The following CKMT1A variants were observed in gnomAD, a reference collection of about 807,000 sequenced individuals.
The protein encoded by CKMT1A is creatine kinase U-type, mitochondrial.
Under a neutral mutation model 21.8 loss-of-function variants are expected in CKMT1A, and 23 were observed. The ratio of observed to expected loss-of-function variants is 1.05; its 90% CI spans 0.76 to 1.49. The LOEUF (loss-of-function observed/expected upper bound fraction) is 1.49. Ranked by LOEUF, CKMT1A falls within the 40% of genes most tolerant of loss-of-function variation. The pLI, the probability that CKMT1A is intolerant of heterozygous loss-of-function variation, is 0.00. For synonymous variants in CKMT1A, 67 were observed against 80.4 expected (o/e 0.83, Z 0.89); for missense variants, 154 against 229.4 (o/e 0.67, Z 2.12).
rs1281714531 is a variant in CKMT1A, at chr15:43,699,035, G to A, written c.1200G>A (p.Leu400=). 1.2e-6 allele frequency: 2 copies of A among 1,613,494 alleles called. No individual in the cohort carries two copies. Among genetic ancestry groups the A allele is most frequent in the African/African-American group, 2.7e-5 (2 of 74,658 alleles). ...ATTTGATTGATTGTGAACGGCGTCT[G>A]GAGAGAGGCCAGGATATCCGCATCC... ...VNYLIDCERR[L]ERGQDIRIPT... is the part of the protein sequence containing the mutation. The change falls in exon 9 of 9, where the codon CTG becomes CTA. Residue 400 remains leucine, a synonymous_variant. Coordinates refer to ENST00000413453, the MANE Select transcript of CKMT1A (RefSeq NM_001321926.2).
In CKMT1A at chr15:43,699,172, G is replaced by C; in HGVS notation, c.*83G>C. ...GGCCCATTCTACTTGCTCTGGACCTGCCCTCGCATCCCCTGCCTCCATCCT... is the reference window on the plus strand; with the variant it reads ...GGCCCATTCTACTTGCTCTGGACCTCCCCTCGCATCCCCTGCCTCCATCCT... On this transcript the variant is annotated 3_prime_UTR_variant, in exon 9 of 9. Coordinates refer to ENST00000413453, the MANE Select transcript of CKMT1A (RefSeq NM_001321926.2). 2 of 1,607,070 alleles carry C rather than the reference G, an allele frequency of 1.2e-6. No individual in the cohort carries two copies. Among genetic ancestry groups the C allele is most frequent in the East Asian group, 4.5e-5 (2 of 44,774 alleles).
rs8037184 is a variant in CKMT1A, at chr15:43,698,013, G to A, written c.877-1G>A. ...CATTAATAAAAACTTTGTGGACTCAGGTGGAGAGACTTATCCAAGAACGTG... is the reference window on the plus strand; with the variant it reads ...CATTAATAAAAACTTTGTGGACTCAAGTGGAGAGACTTATCCAAGAACGTG... On this transcript the variant is annotated splice_acceptor_variant, in intron 6 of 8. Transcript: ENST00000413453. LOFTEE classifies it high-confidence loss of function. 1.2e-6 allele frequency: 2 copies of A among 1,613,766 alleles called. No individual in the cohort carries two copies. The highest frequency in any genetic ancestry group is 2.2e-5 in the East Asian group (1 of 44,874).
chr15:43,698,819 A>T, intron 8 of CKMT1A, 53 bp downstream of exon 8: 1 of 1,609,864 alleles, frequency 6.2e-7, no homozygotes, highest in South Asian at 1.1e-5. Flanking sequence ...TGGGGGCTGA[A>T]ATATGGCAGT....
At chr15:43,698,284 C>T (rs1244713819) in intron 7 of CKMT1A, 136 bp downstream of exon 7, 3 of 1,325,940 alleles carry the variant, frequency 2.3e-6, no homozygotes, top group Non-Finnish European at 3.1e-6. Context: ...CACAGTGGCT[C>T]ATGCCTCTAA....
At chr15:43,696,459 A>T in intron 6 of CKMT1A, 96 bp downstream of exon 6, 1 of 1,585,090 alleles carries the variant, frequency 6.3e-7, no homozygotes, top group Non-Finnish European at 8.6e-7. Flanking sequence ...CCAACCCAAG[A>T]CATGTCTGAT....
intron 7 of CKMT1A, among the ~76,000 whole-genome samples, 191 bp from the exon 8 acceptor site, chr15:43,698,450 G>A (rs569828688): frequency 6.7e-6 from 1 of 150,254 alleles, no homozygotes; most frequent in East Asian, 2.0e-4. Context: ...AGCCTGGGAA[G>A]TCGAGGCTTC....
At position 43,698,068 on chromosome 15, in the gene CKMT1A, G is replaced by A. The variant is rs767898760; in HGVS notation, c.931G>A (p.Gly311Arg). ...GGAGTTCATGTGGAATGAGCGTTTG[G>A]GATACATCTTGACCTGTCCATCTAA... ...GWEFMWNERL[G>R]YILTCPSNLG... Residue 311 changes from glycine to arginine, a missense_variant, in exon 7 of 9, where the codon GGA becomes AGA. By Grantham distance (125) the Gly-to-Arg change is moderately radical. Coordinates refer to ENST00000413453, the MANE Select transcript of CKMT1A (RefSeq NM_001321926.2). 2 of 1,613,378 alleles carry A rather than the reference G, an allele frequency of 1.2e-6. No homozygotes were observed. Among genetic ancestry groups the A allele is most frequent in the Non-Finnish European group, 1.7e-6 (2 of 1,179,576 alleles).
At chr15:43,698,377 A>T (rs2086483117) in intron 7 of CKMT1A, among the ~76,000 whole-genome samples, 1 of 151,706 alleles carries the variant, frequency 6.6e-6, no homozygotes, top group South Asian at 2.1e-4. Context: ...GTGAAACCCC[A>T]TCTCTACTAC....
chr15:43,696,716 C>T lies in CKMT1A; in HGVS notation c.876+353C>T, dbSNP rs538894156. On this transcript the variant is annotated intron_variant, in intron 6 of 8. Coordinates refer to ENST00000413453, the MANE Select transcript of CKMT1A (RefSeq NM_001321926.2). The stretch of plus-strand genomic sequence containing the variant: ...ACATTCGAGCTTAGATTGATGTTGG[C>T]GGGGAGAGGTTGCTGTGTTCATGAC... 188 of 282,592 alleles carry T rather than the reference C, an allele frequency of 6.7e-4. 5 individuals carry two copies. Among genetic ancestry groups the T allele is most frequent in the African/African-American group, 3.7e-3 (170 of 45,434 alleles). 17.5% of individuals were successfully genotyped at this position (282,592 alleles called of 1,614,324 possible).
intron 8 of CKMT1A, 65 bp downstream of exon 8, chr15:43,698,831 A>G (rs1305242321): frequency 6.2e-7 from 1 of 1,608,212 alleles, no homozygotes; most frequent in Non-Finnish European, 8.5e-7. Flanking sequence ...TATGGCAGTG[A>G]GTGAGCCTCC....
intron 6 of CKMT1A, 51 bp from the exon 7 acceptor site, chr15:43,697,963 G>A (rs764149344): frequency 3.7e-6 from 6 of 1,612,324 alleles, no homozygotes; most frequent in East Asian, 4.5e-5. Context: ...GAGGGTCCAG[G>A]GTTAATGAAA....
chr15:43,697,964 G>A (rs1175845453), intron 6 of CKMT1A, 50 bp from the exon 7 acceptor site: 2 of 1,612,528 alleles, frequency 1.2e-6, no homozygotes, highest in African/African-American at 1.3e-5. Flanking sequence ...AGGGTCCAGG[G>A]TTAATGAAAT....
rs762088481 is a variant in CKMT1A, at chr15:43,698,722, G to T, written c.1093G>T (p.Gly365Cys). Residue 365 changes from glycine to cysteine, a missense_variant, in exon 8 of 9, where the codon GGT (glycine) becomes TGT (cysteine). Gly to Cys is a radical substitution (Grantham distance 159). Transcript: ENST00000413453. ...TGGVDTAATGGVFDISNLDRL... is the reference protein window; with the variant it reads ...TGGVDTAATGCVFDISNLDRL... Reference sequence around the variant, plus strand: ...AGGAGTGGACACTGCTGCCACAGGCGGTGTCTTTGATATTTCTAATTTGGA... The same window carrying T: ...AGGAGTGGACACTGCTGCCACAGGCTGTGTCTTTGATATTTCTAATTTGGA... The T allele has an allele frequency of 7.4e-6, 12 of 1,613,406 alleles. 1 individual carries two copies. The Middle Eastern group carries it at 4.9e-4, about 66-fold the overall frequency.
chr15:43,698,005 T>G lies in CKMT1A; in HGVS notation c.877-9T>G, dbSNP rs1276798004. On this transcript the variant is annotated splice_polypyrimidine_tract_variant and intron_variant, in intron 6 of 8. Coordinates refer to ENST00000413453, the MANE Select transcript of CKMT1A (RefSeq NM_001321926.2). ...TGATTTTTCATTAATAAAAACTTTG[T>G]GGACTCAGGTGGAGAGACTTATCCA... 6.2e-7 allele frequency: 1 copy of G among 1,613,742 alleles called. No homozygotes were observed. The highest frequency in any genetic ancestry group is 1.1e-5 in the South Asian group (1 of 91,030).
intron 7 of CKMT1A, 83 bp from the exon 8 acceptor site, chr15:43,698,558 C>T (rs1404812459): frequency 4.0e-6 from 6 of 1,487,214 alleles, no homozygotes; most frequent in African/African-American, 1.4e-5. Flanking sequence ...GGAGACAGAG[C>T]TCTGAGCAGG....
At chr15:43,697,933 T>A in intron 6 of CKMT1A, 81 bp from the exon 7 acceptor site, 1 of 1,577,354 alleles carries the variant, frequency 6.3e-7, no homozygotes, top group Admixed American at 1.8e-5. Context: ...TTTCTAGTGT[T>A]CTTGTGGGTC....
chr15:43,697,904 A>C (rs1207072140), intron 6 of CKMT1A, 110 bp from the exon 7 acceptor site: 1 of 1,508,236 alleles, frequency 6.6e-7, no homozygotes, highest in Non-Finnish European at 8.9e-7. Flanking sequence ...TTCACAGCCA[A>C]GTTTCTATTC....
chr15:43,698,685 G>C lies in CKMT1A; in HGVS notation c.1056G>C (p.Lys352Asn), dbSNP rs546043133. Reference protein sequence around the residue: ...PKILENLRLQKRGTGGVDTAA... With the variant: ...PKILENLRLQNRGTGGVDTAA... ...TCCTGGAGAACCTAAGACTCCAAAA[G>C]CGTGGTACTGGAGGAGTGGACACTG... The change falls in exon 8 of 9, where the codon AAG becomes AAC. Residue 352 changes from lysine to asparagine, a missense_variant. Physicochemically the swap from Lys to Asn is moderately conservative, Grantham distance 94. Coordinates refer to ENST00000413453, the MANE Select transcript of CKMT1A (RefSeq NM_001321926.2). 5 of 1,613,234 alleles carry C rather than the reference G, an allele frequency of 3.1e-6. No homozygotes were observed. The highest frequency in any genetic ancestry group is 4.2e-6 in the Non-Finnish European group (5 of 1,179,682).
At position 43,698,676 on chromosome 15, in the gene CKMT1A, A is replaced by G. The variant is rs763096471; in HGVS notation, c.1047A>G (p.Arg349=). The G allele has an allele frequency of 3.7e-6, 6 of 1,613,102 alleles. No homozygotes were observed. In the African/African-American group the frequency reaches 6.7e-5, roughly 18 times the overall value. Residue 349 remains arginine (R), a synonymous_variant, in exon 8 of 9, where the codon AGA becomes AGG. Transcript: ENST00000413453. ...SRFPKILENL[R]LQKRGTGGVD... ...TCCCAAAGATCCTGGAGAACCTAAG[A>G]CTCCAAAAGCGTGGTACTGGAGGAG...
Sources: allele counts gnomAD v4.1 joint callset (sites outside exome capture counted in the v4.1 genomes callset), GRCh38; gene constraint gnomAD v4.1.1; transcripts MANE v1.5; gene names NCBI Gene and HGNC (gene_info 2026-07-23, HGNC 2026-07-21).